CYREN: variants seen among roughly 807,000 people sequenced by gnomAD.
The protein encoded by CYREN is cell cycle regulator of non-homologous end joining.
A neutral mutation model predicts 9.7 loss-of-function variants in CYREN; 7 were observed. The observed-to-expected ratio is 0.72, with a 90% CI of 0.41 to 1.36. The LOEUF (loss-of-function observed/expected upper bound fraction) is 1.36. Among genes scored for constraint, CYREN ranks in the 40% most tolerant of loss-of-function variants. CYREN has a pLI of 0.01. For synonymous variants in CYREN, 76 were observed against 77.9 expected, an observed-to-expected ratio of 0.98 and a Z score of 0.13; for missense variants, 215 against 198.1, an observed-to-expected ratio of 1.09 and a Z score of -0.51.
chr7:135,134,843 TA>T, intron 2 of CYREN: 1 of 1,549,156 alleles, frequency 6.5e-7, no homozygotes, highest in Non-Finnish European at 8.7e-7. Context: ...TTTTCTAGAC[TA>T]AATCCGGCTA....
chr7:135,162,992 G>T (rs528067985), downstream of CYREN, among the ~76,000 whole-genome samples: 1 of 152,338 alleles, frequency 6.6e-6, no homozygotes, highest in South Asian at 2.1e-4. Flanking sequence ...ATCACTAAAA[G>T]ATATTTCTAC....
Position 135,117,985 on chromosome 7 carries a change from A to T in CYREN, n.357-23403T>A, listed in dbSNP as rs147064583. ...GTAGGATGCAAATTTGAGCTAAGGG[A>T]AGTAAAAACTTTCCTGTGGAGAGAG... On this transcript the variant is annotated intron_variant and non_coding_transcript_variant, in intron 2 of 2. Coordinates refer to the CYREN transcript ENST00000459937. 3.1e-3 allele frequency among the ~76,000 whole-genome samples: 473 copies of T among 152,310 alleles called. 3 individuals are homozygous for T. Among genetic ancestry groups the T allele is most frequent in the Middle Eastern group, 0.014 (4 of 294 alleles).
chr7:135,171,288 A>G (rs370083961), upstream of CYREN, among the ~76,000 whole-genome samples: 43 of 150,308 alleles, frequency 2.9e-4, no homozygotes, highest in East Asian at 7.6e-3. Flanking sequence ...ACCCTCTCAT[A>G]TTGTTTTATA....
intron 2 of CYREN, among the ~76,000 whole-genome samples, chr7:135,097,783 G>C (rs904862490): frequency 6.6e-6 from 1 of 152,172 alleles, no homozygotes; most frequent in South Asian, 2.1e-4. Flanking sequence ...ATTATATGTA[G>C]GTTGTGACAA....
chr7:135,094,081 A>G (rs1585068859), exon 3 of CYREN: 1 of 280,882 alleles, frequency 3.6e-6, no homozygotes, highest in East Asian at 1.0e-4. Context: ...TCCTTATACC[A>G]TACACTAAAA....
At position 135,129,061 on chromosome 7, in the gene CYREN, G is replaced by A. The variant is rs1585285154; in HGVS notation, n.357-34479C>T. 1.1e-5 allele frequency: 17 copies of A among 1,608,568 alleles called. No individual in the cohort carries two copies. The East Asian group carries it at 3.6e-4, about 34-fold the overall frequency. On this transcript the variant is annotated intron_variant and non_coding_transcript_variant, in intron 2 of 2. Transcript: ENST00000459937. ...GATGGCCAGGTTCAATGCCTCAACTGCCCAGAACCAAAGTGCCCTTCAGTG... is the reference window on the plus strand; with the variant it reads ...GATGGCCAGGTTCAATGCCTCAACTACCCAGAACCAAAGTGCCCTTCAGTG...
At chr7:135,137,168 G>A (rs1411877787) in intron 2 of CYREN, among the ~76,000 whole-genome samples, 1 of 151,638 alleles carries the variant, frequency 6.6e-6, no homozygotes, top group African/African-American at 2.4e-5. Flanking sequence ...GGGAAAATTG[G>A]ACAATGCAAG....
At chr7:135,110,432 C>A (rs1423833311) in intron 2 of CYREN, among the ~76,000 whole-genome samples, 1 of 152,148 alleles carries the variant, frequency 6.6e-6, no homozygotes, top group Non-Finnish European at 1.5e-5. Context: ...AGCTGCTCTG[C>A]CAAGACTCCA....
intron 2 of CYREN, chr7:135,168,471 T>G: frequency 2.4e-6 from 1 of 419,498 alleles, no homozygotes; most frequent in Non-Finnish European, 4.3e-6. Context: ...TGTTACCATG[T>G]TTGTTGTAAA....
intron 2 of CYREN, among the ~76,000 whole-genome samples, chr7:135,139,180 A>C (rs1377920750): frequency 1.3e-5 from 2 of 152,088 alleles, no homozygotes; most frequent in African/African-American, 4.8e-5. Context: ...ACCACTTTCC[A>C]AAGTGACTGA....
In CYREN at chr7:135,170,659, T is replaced by C. The variant is rs1456285250; in HGVS notation, c.-146A>G. On this transcript the variant is annotated 5_prime_UTR_variant, in exon 1 of 4. Coordinates refer to ENST00000393114, the MANE Select transcript of CYREN (RefSeq NM_024033.4). ...GTGGGACCCACGCCTCACCCGGAAC[T>C]TTAAGCCCTGCCGTCTCGCCTGGCG... 1.3e-5 allele frequency: 2 copies of C among 152,266 alleles called. No homozygotes were observed. The highest frequency in any genetic ancestry group is 4.8e-5 in the African/African-American group (2 of 41,450). The allele number at this position is 152,266 out of a possible 1,614,324, so 9.4% of individuals were successfully genotyped here. A position where few individuals can be genotyped will look rare whatever the true frequency, so the allele number is the denominator to read the frequency against.
Position 135,167,800 on chromosome 7 carries a change from C to T in CYREN, c.145G>A (p.Ala49Thr). Residue 49 changes from alanine to threonine, a missense_variant, in exon 3 of 4, where the codon GCG becomes ACG. Physicochemically the swap from Ala to Thr is moderately conservative, Grantham distance 58. Coordinates refer to ENST00000393114, the MANE Select transcript of CYREN (RefSeq NM_024033.4). ...TTCATGCAGTACACAGTCCTTGTCG[C>T]AGGGAGTCTGAAAAAAAGACATGCA... Reference protein sequence around the residue: ...AVPVAAARLPATRTVYCMNEA... With the variant: ...AVPVAAARLPTTRTVYCMNEA... 6.2e-7 allele frequency: 1 copy of T among 1,614,144 alleles called. No homozygotes were observed. The highest frequency in any genetic ancestry group is 8.5e-7 in the Non-Finnish European group (1 of 1,180,020).
intron 2 of CYREN, chr7:135,153,069 C>T (rs1293590145): frequency 6.6e-6 from 1 of 152,142 alleles, no homozygotes; most frequent in Non-Finnish European, 1.5e-5. Context: ...GGCCAAGAAA[C>T]ATATGAAAAA....
intron 2 of CYREN, among the ~76,000 whole-genome samples, chr7:135,158,016 C>A (rs1457211297): frequency 6.6e-6 from 1 of 151,876 alleles, no homozygotes; most frequent in Non-Finnish European, 1.5e-5. Flanking sequence ...GTAGCAGGCA[C>A]TGGGTATTGT....
exon 3 of CYREN, chr7:135,093,726 T>C (rs1822213987): frequency 6.6e-6 from 1 of 152,172 alleles, no homozygotes; most frequent in African/African-American, 2.4e-5. Flanking sequence ...AAATGTCAGC[T>C]ACCTTTTGTG....
chr7:135,131,993 T>A (rs10235468), intron 2 of CYREN, among the ~76,000 whole-genome samples: 73,685 of 151,870 alleles, frequency 0.49, 18,237 homozygotes, highest in South Asian at 0.66. Context: ...AATAGAATAT[T>A]TGAATACCCC....
chr7:135,112,914 A>G (rs1241413460), intron 2 of CYREN, among the ~76,000 whole-genome samples: 1 of 152,148 alleles, frequency 6.6e-6, no homozygotes. Context: ...AGTAGCTGGG[A>G]TTACAGAACT....
At chr7:135,099,055 G>A (rs1563263154) in intron 2 of CYREN, among the ~76,000 whole-genome samples, 1 of 152,058 alleles carries the variant, frequency 6.6e-6, no homozygotes, top group Non-Finnish European at 1.5e-5. Flanking sequence ...TCACCTGTAT[G>A]TAACAGCAAA....
intron 2 of CYREN, among the ~76,000 whole-genome samples, chr7:135,157,090 G>A (rs1410863734): frequency 1.3e-5 from 2 of 152,180 alleles, no homozygotes; most frequent in Non-Finnish European, 2.9e-5. Context: ...TCTCAGGTAT[G>A]TCTTTATCAG....
Sources: allele counts gnomAD v4.1 joint callset (sites outside exome capture counted in the v4.1 genomes callset), GRCh38; gene constraint gnomAD v4.1.1; transcripts MANE v1.5; gene names NCBI Gene and HGNC (gene_info 2026-07-23, HGNC 2026-07-21).